Variants in BCO2 observed in about 807,000 individuals in gnomAD.
BCO2 encodes carotenoid-cleaving dioxygenase, mitochondrial.
Under a neutral mutation model 65.8 loss-of-function variants are expected in BCO2, and 56 were observed. That is an observed-to-expected ratio of 0.85 (90% confidence interval 0.69 to 1.06). BCO2 has a LOEUF of 1.06. BCO2 is among the 50% of genes least tolerant of loss of function. BCO2 has a pLI of 0.00. For synonymous variants in BCO2, 233 were observed against 242.3 expected (o/e 0.96, Z 0.36); for missense variants, 675 against 698.5 (o/e 0.97, Z 0.38).
chr11:112,190,948 T>A (rs1378985214), intron 2 of BCO2, among the ~76,000 whole-genome samples: 1 of 149,878 alleles, frequency 6.7e-6, no homozygotes, highest in Non-Finnish European at 1.5e-5. Flanking sequence ...TATTTCTTAA[T>A]ATATATCTCT....
intron 8 of BCO2, among the ~76,000 whole-genome samples, chr11:112,205,915 T>C (rs1458425224): frequency 6.6e-6 from 1 of 152,162 alleles, no homozygotes; most frequent in African/African-American, 2.4e-5. Flanking sequence ...TTTGGAGAAA[T>C]GACTGTTCAG....
rs1196349382 is a variant in BCO2, at chr11:112,216,304, C to T, written c.1600C>T (p.Leu534Phe). Residue 534 changes from leucine (L) to phenylalanine (F), a missense_variant, in exon 11 of 12, where the codon CTT (leucine) becomes TTT (phenylalanine). Leu to Phe is a conservative substitution (Grantham distance 22, BLOSUM62 0). Coordinates refer to ENST00000357685, the MANE Select transcript of BCO2 (RefSeq NM_031938.7). ...CAATGAAGAAGATGGTGGGGTTATTCTTTCTGTGGTGATCACTCCCAACCA... is the reference window on the plus strand; with the variant it reads ...CAATGAAGAAGATGGTGGGGTTATTTTTTCTGTGGTGATCACTCCCAACCA... ...GTNEEDGGVI[L>F]SVVITPNQNE... The T allele has an allele frequency of 1.9e-6, 3 of 1,613,940 alleles. No individual in the cohort carries two copies. The highest frequency in any genetic ancestry group is 2.7e-5 in the African/African-American group (2 of 74,928).
intron 2 of BCO2, chr11:112,180,814 C>A: frequency 9.6e-7 from 1 of 1,046,530 alleles, no homozygotes; most frequent in Non-Finnish European, 1.5e-6. Flanking sequence ...GCCCCAAGAA[C>A]GGAAAGGTAG....
chr11:112,216,303 T>A lies in BCO2; in HGVS notation c.1599T>A (p.Ile533=). 2 of 1,614,150 alleles carry A rather than the reference T, an allele frequency of 1.2e-6. No homozygotes were observed. The highest frequency in any genetic ancestry group is 1.7e-6 in the Non-Finnish European group (2 of 1,179,978). ...PGTNEEDGGV[I]LSVVITPNQN... ...CCAATGAAGAAGATGGTGGGGTTAT[T>A]CTTTCTGTGGTGATCACTCCCAACC... Residue 533 remains isoleucine (I), a synonymous_variant, in exon 11 of 12, where the codon ATT becomes ATA. Transcript: ENST00000357685.
Position 112,192,978 on chromosome 11 carries a change from C to CTTT in BCO2, c.294-481_294-479dup, listed in dbSNP as rs34728026. Among the ~76,000 whole-genome samples, 112 of 74,812 alleles carry CTTT rather than the reference C, an allele frequency of 1.5e-3. 1 individual carries two copies. Among genetic ancestry groups the CTTT allele is most frequent in the Admixed American group, 2.0e-3 (10 of 4,910 alleles). The allele number at this position is 74,812 out of a possible 152,430, so 49.1% of individuals were successfully genotyped here. A position where few individuals can be genotyped will look rare whatever the true frequency, so the allele number is the denominator to read the frequency against. On this transcript the variant is annotated intron_variant, in intron 2 of 11. Transcript: ENST00000357685. ...AAGGGTCAGGAGAATGTAAATTATT[C>CTTT]TTTTTTTTTTTTTTTTTGAGATAGA... is the stretch of plus-strand genomic sequence containing the variant.
intron 2 of BCO2, among the ~76,000 whole-genome samples, chr11:112,189,441 T>G (rs1047097330): frequency 3.8e-4 from 57 of 149,328 alleles, no homozygotes; most frequent in Non-Finnish European, 4.0e-4. Context: ...AGTCTCACTC[T>G]GTCGCCCAGG....
At position 112,214,764 on chromosome 11, in the gene BCO2, C is replaced by A. The variant is rs751953272; in HGVS notation, c.1335C>A (p.Ile445=). 26 of 1,611,764 alleles carry A rather than the reference C, an allele frequency of 1.6e-5. No individual in the cohort carries two copies. The South Asian group carries it at 2.9e-4, about 18-fold the overall frequency. The change falls in exon 10 of 12, where the codon ATC becomes ATA. Residue 445 remains isoleucine (I), a splice_region_variant and synonymous_variant. Transcript: ENST00000357685. ...AATCCTTTTGAAATCTCTTTTAGAT[C>A]TGGTGCTCTCATGAAAATCTACATC... The part of the protein sequence containing the change: ...ASAVKQADGT[I]WCSHENLHQE...
chr11:112,208,970 A>G (rs900921230), intron 8 of BCO2: 1 of 153,568 alleles, frequency 6.5e-6, no homozygotes, highest in Non-Finnish European at 1.5e-5. Flanking sequence ...AAAAAAATAG[A>G]CTGTTTTTTA....
At chr11:112,190,327 T>C (rs1449343941) in intron 2 of BCO2, among the ~76,000 whole-genome samples, 1 of 152,132 alleles carries the variant, frequency 6.6e-6, no homozygotes, top group Admixed American at 6.5e-5. Context: ...ATAACACTAA[T>C]AAATATTTTG....
chr11:112,214,588 C>G, intron 9 of BCO2, 174 bp from the exon 10 acceptor site: 1 of 588,530 alleles, frequency 1.7e-6, no homozygotes, highest in South Asian at 2.2e-5. Context: ...ACTTGATAAT[C>G]ATTATGCATC....
Position 112,182,852 on chromosome 11 carries a change from T to A in BCO2, c.293+3370T>A, listed in dbSNP as rs1867094641. The A allele has an allele frequency of 2.6e-5, 23 of 901,884 alleles. No individual in the cohort carries two copies. The South Asian group carries it at 3.3e-4, about 13-fold the overall frequency. 55.9% of individuals were successfully genotyped at this position (901,884 alleles called of 1,614,324 possible). A position where few individuals can be genotyped will look rare whatever the true frequency, so the allele number is the denominator to read the frequency against. ...ATGTACCCTAGAACTTATATATATA[T>A]AAAAAGATGCTCTGTTCTAATGTGG... On this transcript the variant is annotated intron_variant, in intron 2 of 11. Transcript: ENST00000357685.
At chr11:112,210,145 A>G (rs1290763313) in intron 8 of BCO2, among the ~76,000 whole-genome samples, 1 of 152,154 alleles carries the variant, frequency 6.6e-6, no homozygotes, top group African/African-American at 2.4e-5. Context: ...TCTCTTTTCC[A>G]ATTTATAGTT....
chr11:112,204,216 T>C (rs1233744949), intron 8 of BCO2, among the ~76,000 whole-genome samples: 1 of 152,194 alleles, frequency 6.6e-6, no homozygotes, highest in Non-Finnish European at 1.5e-5. Context: ...TCCAGGTCCA[T>C]CCATGTTGTA....
intron 7 of BCO2, among the ~76,000 whole-genome samples, chr11:112,201,511 A>G (rs918454645): frequency 6.6e-6 from 1 of 152,142 alleles, no homozygotes; most frequent in African/African-American, 2.4e-5. Context: ...ATGTTGATTG[A>G]ATATCTTTTT....
At chr11:112,181,041 G>A (rs1014057340) in intron 2 of BCO2, 5 of 1,474,694 alleles carry the variant, frequency 3.4e-6, no homozygotes, top group African/African-American at 1.4e-5. Flanking sequence ...CACACAGAGT[G>A]GCTGACATTA....
chr11:112,183,465 A>G (rs1592836735), intron 2 of BCO2, among the ~76,000 whole-genome samples: 1 of 152,200 alleles, frequency 6.6e-6, no homozygotes, highest in Non-Finnish European at 1.5e-5. Flanking sequence ...ACCTAGTTTT[A>G]TGACCAGGAA....
rs1867702181 is a variant in BCO2 at position 112,200,625 on chromosome 11, A to G, written c.878A>G (p.Asn293Ser). Residue 293 changes from asparagine to serine, a missense_variant, in exon 7 of 12, where the codon AAC becomes AGC. Coordinates refer to ENST00000357685, the MANE Select transcript of BCO2 (RefSeq NM_031938.7). ...TGGAACCTTTTAGGAATGACAAGGA[A>G]CTATATAATTTTCATTGAACAACCT... ...SYYHSFGMTR[N>S]YIIFIEQPLK... 3 of 1,606,732 alleles carry G rather than the reference A, an allele frequency of 1.9e-6. No homozygotes were observed. Among genetic ancestry groups the G allele is most frequent in the African/African-American group, 1.3e-5 (1 of 74,284 alleles).
chr11:112,209,184 A>G (rs1947970345), intron 8 of BCO2, among the ~76,000 whole-genome samples: 1 of 152,166 alleles, frequency 6.6e-6, no homozygotes, highest in Non-Finnish European at 1.5e-5. Context: ...AATGTCATGT[A>G]TCTACCAATA....
rs1867750868 is a variant in BCO2, at chr11:112,202,091, G to A, written c.1095G>A (p.Gln365=). The A allele has an allele frequency of 3.1e-6, 5 of 1,613,796 alleles. No individual in the cohort carries two copies. The highest frequency in any genetic ancestry group is 1.1e-5 in the South Asian group (1 of 91,060). Residue 365 remains glutamine, a synonymous_variant, in exon 8 of 12, where the codon CAG becomes CAA. Transcript: ENST00000357685. ...ATCAAATCAATGCCTTTGAGGACCA[G>A]GGCTGTGTTATAATTGATTTGTGCT... ...TFHQINAFED[Q]GCVIIDLCCQ...
Sources: allele counts gnomAD v4.1 joint callset (sites outside exome capture counted in the v4.1 genomes callset), GRCh38; gene constraint gnomAD v4.1.1; transcripts MANE v1.5; gene names NCBI Gene and HGNC (gene_info 2026-07-23, HGNC 2026-07-21).